SLMAP: variants seen among roughly 807,000 people sequenced by gnomAD.
The protein encoded by SLMAP is sarcolemma associated protein, also known as sarcolemmal membrane-associated protein.
Under a neutral mutation model 128.8 loss-of-function variants are expected in SLMAP, and 44 were observed. The ratio of observed to expected loss-of-function variants is 0.34; its 90% CI spans 0.27 to 0.44. The LOEUF (loss-of-function observed/expected upper bound fraction) is 0.44, where lower values mean the gene tolerates loss of function less well. Among genes scored for constraint, SLMAP ranks in the 20% least tolerant of loss-of-function variants. SLMAP has a pLI of 1.00. For missense variants in SLMAP, 787 were observed against 985.3 expected, an observed-to-expected ratio of 0.80 and a Z score of 2.69; for synonymous variants, 327 against 348.8, an observed-to-expected ratio of 0.94 and a Z score of 0.70.
Position 57,770,534 on chromosome 3 carries a change from T to C in SLMAP, c.198+12685T>C, listed in dbSNP as rs1027364628. 2.0e-5 allele frequency among the ~76,000 whole-genome samples: 3 copies of C among 152,134 alleles called. No homozygotes were observed. In the South Asian group the frequency reaches 6.2e-4, roughly 32 times the overall value. ...AGAGCTGCTGTCAGTTCTTTGGGGGTAGTCGAGAACTGAAGGCAGATGCCT... is the reference window on the plus strand; with the variant it reads ...AGAGCTGCTGTCAGTTCTTTGGGGGCAGTCGAGAACTGAAGGCAGATGCCT... On this transcript the variant is annotated intron_variant, in intron 2 of 24. Coordinates refer to ENST00000671191, the MANE Select transcript of SLMAP (RefSeq NM_001377540.1).
chr3:57,773,544 A>T (rs1234068114), intron 2 of SLMAP, among the ~76,000 whole-genome samples: 1 of 152,202 alleles, frequency 6.6e-6, no homozygotes, highest in Non-Finnish European at 1.5e-5. Flanking sequence ...ACCTTTAGGA[A>T]ATCAAGGCAT....
At chr3:57,840,918 G>A (rs1330603325) in intron 3 of SLMAP, among the ~76,000 whole-genome samples, 1 of 152,088 alleles carries the variant, frequency 6.6e-6, no homozygotes. Flanking sequence ...GGTTGGGGAA[G>A]GGAAGATTTG....
intron 17 of SLMAP, among the ~76,000 whole-genome samples, chr3:57,906,302 T>TTTTTTTTA (rs2096544840): frequency 1.0e-5 from 1 of 97,856 alleles, no homozygotes; most frequent in Non-Finnish European, 2.1e-5. Context: ...ATTTTTTTCT[T>TTTTTTTTA]TTTTTTTCTT....
At chr3:57,894,072 G>A (rs1429348815) in intron 15 of SLMAP, among the ~76,000 whole-genome samples, 1 of 152,012 alleles carries the variant, frequency 6.6e-6, no homozygotes, top group Non-Finnish European at 1.5e-5. Context: ...AATGGTTTTA[G>A]ATGTGTTTCT....
intron 14 of SLMAP, among the ~76,000 whole-genome samples, chr3:57,889,709 A>G (rs2096007288): frequency 1.3e-5 from 2 of 152,334 alleles, no homozygotes; most frequent in South Asian, 4.1e-4. Flanking sequence ...ATACCTTTTC[A>G]TAAATCTTTT....
chr3:57,766,180 T>TTTTTTTTTTGTA (rs2079677420), intron 2 of SLMAP, among the ~76,000 whole-genome samples: 1 of 143,050 alleles, frequency 7.0e-6, no homozygotes, highest in Non-Finnish European at 1.5e-5. Flanking sequence ...TTTTTTTTTT[T>TTTTTTTTTTGTA]TTTTTTTTTG....
intron 6 of SLMAP, among the ~76,000 whole-genome samples, chr3:57,854,007 A>T (rs2094636938): frequency 8.8e-6 from 1 of 114,038 alleles, no homozygotes; most frequent in African/African-American, 3.4e-5. Flanking sequence ...ATATTTACAT[A>T]TAATATATAT....
chr3:57,846,570 T>C (rs1258414052), intron 4 of SLMAP, among the ~76,000 whole-genome samples: 1 of 151,342 alleles, frequency 6.6e-6, no homozygotes, highest in Non-Finnish European at 1.5e-5. Context: ...TTTTTTTTTT[T>C]TTTTGAGACA....
At chr3:57,849,921 C>T (rs572320697) in intron 6 of SLMAP, 105 bp downstream of exon 6, 2 of 719,272 alleles carry the variant, frequency 2.8e-6, no homozygotes, top group Non-Finnish European at 4.9e-6. Flanking sequence ...TGCCTGTAAT[C>T]CCAGGACTTT....
At chr3:57,779,266 G>C (rs1318271611) in intron 2 of SLMAP, among the ~76,000 whole-genome samples, 1 of 152,108 alleles carries the variant, frequency 6.6e-6, no homozygotes, top group Non-Finnish European at 1.5e-5. Context: ...TCAGCATTTT[G>C]GGAGGCTGAG....
In SLMAP at chr3:57,919,648, G is replaced by A. The variant is rs371985190; in HGVS notation, c.2310+2571G>A. 8.6e-5 allele frequency among the ~76,000 whole-genome samples: 13 copies of A among 151,940 alleles called. No homozygotes were observed. The South Asian group carries it at 2.7e-3, about 32-fold the overall frequency. Reference sequence around the variant, plus strand: ...CGTCTCTAATAAAAATACAAAATTAGCCAGGCATGGTGGCGCATGCCTGTA... The same window carrying A: ...CGTCTCTAATAAAAATACAAAATTAACCAGGCATGGTGGCGCATGCCTGTA... On this transcript the variant is annotated intron_variant, in intron 22 of 24. Coordinates refer to ENST00000671191, the MANE Select transcript of SLMAP (RefSeq NM_001377540.1).
At chr3:57,893,045 G>A (rs1008985741) in intron 15 of SLMAP, among the ~76,000 whole-genome samples, 5 of 151,422 alleles carry the variant, frequency 3.3e-5, no homozygotes, top group Non-Finnish European at 5.9e-5. Context: ...GTGTTACCCA[G>A]GATGGTCTCG....
intron 14 of SLMAP, among the ~76,000 whole-genome samples, chr3:57,887,521 A>G (rs1239438249): frequency 6.6e-6 from 1 of 152,144 alleles, no homozygotes; most frequent in Non-Finnish European, 1.5e-5. Flanking sequence ...CAAGCCATGA[A>G]ATCTTAATGG....
At chr3:57,876,805 C>G (rs1319068243) in intron 14 of SLMAP, among the ~76,000 whole-genome samples, 2 of 152,228 alleles carry the variant, frequency 1.3e-5, no homozygotes, top group African/African-American at 2.4e-5. Context: ...ACATGGAGAA[C>G]TGCCATCACT....
intron 14 of SLMAP, among the ~76,000 whole-genome samples, chr3:57,876,444 C>T (rs1295858873): frequency 6.6e-6 from 1 of 152,138 alleles, no homozygotes; most frequent in East Asian, 1.9e-4. Context: ...TGCATAATTT[C>T]AGAACTGTAA....
intron 14 of SLMAP, among the ~76,000 whole-genome samples, chr3:57,871,919 C>T (rs964674468): frequency 6.6e-6 from 1 of 152,066 alleles, no homozygotes; most frequent in East Asian, 1.9e-4. Flanking sequence ...ATAATAGCTA[C>T]CATAAAAAAG....
Position 57,890,042 on chromosome 3 carries a change from G to A in SLMAP, c.1302G>A (p.Lys434=). ...GGTAACGTTTATTTTCCTTGGCAGA[G>A]AAGCTGATCGTCGAAGGGCATCTAA... The part of the protein sequence containing the change: ...TFIHQFIECQ[K]KLIVEGHLTK... The change falls in exon 15 of 25, where the codon AAG becomes AAA. Residue 434 remains lysine, a splice_region_variant and synonymous_variant. Coordinates refer to ENST00000671191, the MANE Select transcript of SLMAP (RefSeq NM_001377540.1). The A allele has an allele frequency of 6.2e-7, 1 of 1,611,478 alleles. No individual in the cohort carries two copies. Among genetic ancestry groups the A allele is most frequent in the South Asian group, 1.1e-5 (1 of 91,020 alleles).
chr3:57,824,935 A>T (rs1483343398), intron 2 of SLMAP, among the ~76,000 whole-genome samples: 1 of 152,226 alleles, frequency 6.6e-6, no homozygotes, highest in Non-Finnish European at 1.5e-5. Context: ...ATCTTTCAGC[A>T]ATATTTTACA....
At chr3:57,814,629 T>TACACA in intron 2 of SLMAP, among the ~76,000 whole-genome samples, 1 of 152,300 alleles carries the variant, frequency 6.6e-6, no homozygotes, top group African/African-American at 2.4e-5. Context: ...TAATATATTC[T>TACACA]AAGCATACTT....
Sources: allele counts gnomAD v4.1 joint callset (sites outside exome capture counted in the v4.1 genomes callset), GRCh38; gene constraint gnomAD v4.1.1; transcripts MANE v1.5; gene names NCBI Gene and HGNC (gene_info 2026-07-23, HGNC 2026-07-21).